Variants in USP9X observed in about 807,000 individuals in gnomAD.
USP9X encodes the protein ubiquitin specific peptidase 9 X-linked, also known as ubiquitin carboxyl-terminal hydrolase 9X.
USP9X carries 7 observed loss-of-function variants against 190.3 expected under a neutral mutation model. The observed-to-expected ratio is 0.04, with a 90% CI of 0.02 to 0.07. The LOEUF (loss-of-function observed/expected upper bound fraction) is 0.07. Among genes scored for constraint, USP9X ranks in the 10% least tolerant of loss-of-function variants. The pLI is 1.00. For synonymous variants in USP9X, 645 were observed against 659.5 expected (o/e 0.98, Z 0.34); for missense variants, 1,010 against 1,916.9 (o/e 0.53, Z 8.83).
At chrX:41,172,566 G>T (rs947338826) in intron 21 of USP9X, among the ~76,000 whole-genome samples, 19 of 111,271 alleles carry the variant, frequency 1.7e-4, no homozygotes, top group African/African-American at 6.2e-4. Context: ...AAACTTAACT[G>T]TTACATACCC....
At position 41,235,457 on chromosome X, in the gene USP9X, C is replaced by T. The variant is rs1170810098; in HGVS notation, c.*2933C>T. ...CTATTTTAAATGTTTGCGGAATCGC[C>T]AGTCTTCCTTTGAAAGAAACAGCCC... is the stretch of plus-strand genomic sequence containing the variant. On this transcript the variant is annotated 3_prime_UTR_variant, in exon 45 of 45. Coordinates refer to ENST00000378308, the MANE Select transcript of USP9X (RefSeq NM_001039591.3). The T allele has an allele frequency of 8.9e-6, 1 of 112,720 alleles. No homozygotes were observed. Among genetic ancestry groups the T allele is most frequent in the Non-Finnish European group, 1.9e-5 (1 of 53,287 alleles). 9.3% of individuals were successfully genotyped at this position (112,720 alleles called of 1,213,427 possible).
rs1217481533 is a variant in USP9X, at chrX:41,198,572, A to G, written c.4425A>G (p.Leu1475=). 3.3e-6 allele frequency: 4 copies of G among 1,210,194 alleles called. No homozygotes were observed. Among genetic ancestry groups the G allele is most frequent in the Non-Finnish European group, 3.4e-6 (3 of 894,786 alleles). ...DFIFPASNVY[L]QYMRNGELPA... ...TATTTCCTGCATCCAATGTTTACCT[A>G]CAGTATATGAGAAATGGAGAGCTTC... The change falls in exon 30 of 45, where the codon CTA becomes CTG. Residue 1475 remains leucine (L), a synonymous_variant. Coordinates refer to ENST00000378308, the MANE Select transcript of USP9X (RefSeq NM_001039591.3).
chrX:41,130,490 T>C, intron 3 of USP9X, among the ~76,000 whole-genome samples: 1 of 78,383 alleles, frequency 1.3e-5, no homozygotes, highest in African/African-American at 4.7e-5. Context: ...TTTTTGTTTT[T>C]TGTTTTTTGT....
intron 41 of USP9X, 126 bp downstream of exon 41, chrX:41,225,263 G>T: frequency 1.8e-6 from 1 of 544,103 alleles, no homozygotes; most frequent in Non-Finnish European, 2.9e-6. Context: ...CTTAAACCTA[G>T]GACAAGGGTA....
chrX:41,160,853 C>T (rs377488381), intron 14 of USP9X, among the ~76,000 whole-genome samples: 1 of 111,844 alleles, frequency 8.9e-6, no homozygotes, highest in East Asian at 2.8e-4. Flanking sequence ...TAATCTTGGG[C>T]TTTGTAGAAA....
At chrX:41,161,055 C>G (rs1179162305) in intron 14 of USP9X, among the ~76,000 whole-genome samples, 1 of 110,996 alleles carries the variant, frequency 9.0e-6, no homozygotes, top group Non-Finnish European at 1.9e-5. Context: ...CAGAACAGTC[C>G]TGTACAACGA....
chrX:41,161,822 A>G lies in USP9X; in HGVS notation c.1898-968A>G, dbSNP rs1278280790. Reference sequence around the variant, plus strand: ...TGGTCTCGAACTCCTGGCCTGAAGCAATACTACTGCCTGGGTTGGGCTTCC... The same window carrying G: ...TGGTCTCGAACTCCTGGCCTGAAGCGATACTACTGCCTGGGTTGGGCTTCC... On this transcript the variant is annotated intron_variant, in intron 14 of 44. Coordinates refer to ENST00000378308, the MANE Select transcript of USP9X (RefSeq NM_001039591.3). Among the ~76,000 whole-genome samples, 4 of 105,237 alleles carry G rather than the reference A, an allele frequency of 3.8e-5. No homozygotes were observed. The Admixed American group carries it at 4.2e-4, about 11-fold the overall frequency. 91.4% of individuals were successfully genotyped at this position (105,237 alleles called of 115,157 possible). A position where few individuals can be genotyped will look rare whatever the true frequency, so the allele number is the denominator to read the frequency against.
chrX:41,172,050 A>G (rs2062731326), intron 21 of USP9X, 92 bp downstream of exon 21: 2 of 1,046,618 alleles, frequency 1.9e-6, no homozygotes, highest in Admixed American at 5.2e-5. Flanking sequence ...GCTTTTTGGT[A>G]TAGACTATAA....
intron 13 of USP9X, among the ~76,000 whole-genome samples, chrX:41,152,445 G>A (rs1449966503): frequency 9.0e-6 from 1 of 111,395 alleles, no homozygotes; most frequent in Admixed American, 9.5e-5. Flanking sequence ...AATGAAGATA[G>A]CAAAACAGAT....
chrX:41,175,772 T>TACACACACACACACAC (rs769385399), intron 21 of USP9X, among the ~76,000 whole-genome samples: 88 of 110,165 alleles, frequency 8.0e-4, no homozygotes, highest in Admixed American at 7.3e-3. Flanking sequence ...ACTATATATA[T>TACACACACACACACAC]ACACACACAC....
chrX:41,160,025 A>T (rs1194852516), intron 14 of USP9X, among the ~76,000 whole-genome samples: 4 of 100,675 alleles, frequency 4.0e-5, no homozygotes, highest in East Asian at 6.3e-4. Context: ...TTTTTTTTTT[A>T]AATGAACTTT....
At chrX:41,162,333 G>A (rs1325397721) in intron 14 of USP9X, among the ~76,000 whole-genome samples, 1 of 112,173 alleles carries the variant, frequency 8.9e-6, no homozygotes, top group Non-Finnish European at 1.9e-5. Context: ...ATGTAGAGTA[G>A]CATCTTGTGT....
chrX:41,166,714 TA>T (rs1192695878), intron 16 of USP9X, among the ~76,000 whole-genome samples: 1 of 112,203 alleles, frequency 8.9e-6, no homozygotes, highest in Non-Finnish European at 1.9e-5. Context: ...AGTACTACTC[TA>T]TTATGCCTAT....
intron 1 of USP9X, among the ~76,000 whole-genome samples, chrX:41,104,128 G>T (rs1229401721): frequency 1.8e-5 from 2 of 111,727 alleles, no homozygotes; most frequent in African/African-American, 6.5e-5. Flanking sequence ...GTGCAGTGGC[G>T]TGATCATGGC....
At chrX:41,105,257 A>G (rs2062061133) in intron 1 of USP9X, among the ~76,000 whole-genome samples, 1 of 111,609 alleles carries the variant, frequency 9.0e-6, no homozygotes. Flanking sequence ...CATCTGGTTC[A>G]GACCTATAAC....
intron 21 of USP9X, among the ~76,000 whole-genome samples, chrX:41,183,092 C>G (rs1215762997): frequency 1.8e-5 from 2 of 110,040 alleles, no homozygotes; most frequent in African/African-American, 6.6e-5. Context: ...GCGCATGCCA[C>G]CACGCCCGGC....
chrX:41,209,731 T>A (rs967320558), intron 32 of USP9X, among the ~76,000 whole-genome samples: 8 of 112,532 alleles, frequency 7.1e-5, no homozygotes, highest in Non-Finnish European at 1.3e-4. Flanking sequence ...TACAAATTTT[T>A]ACTTGTGTAA....
At chrX:41,226,637 A>G (rs1375125432) in intron 41 of USP9X, among the ~76,000 whole-genome samples, 1 of 112,359 alleles carries the variant, frequency 8.9e-6, no homozygotes, top group Non-Finnish European at 1.9e-5. Flanking sequence ...TAGATTTCAA[A>G]CAAATACTGT....
intron 13 of USP9X, among the ~76,000 whole-genome samples, chrX:41,152,292 A>T (rs1452677592): frequency 8.9e-6 from 1 of 112,243 alleles, no homozygotes; most frequent in Non-Finnish European, 1.9e-5. Flanking sequence ...GGCCTTTCTC[A>T]AATGAATGCA....
Sources: allele counts gnomAD v4.1 joint callset (sites outside exome capture counted in the v4.1 genomes callset), GRCh38; gene constraint gnomAD v4.1.1; transcripts MANE v1.5; gene names NCBI Gene and HGNC (gene_info 2026-07-23, HGNC 2026-07-21).